Variants in ACSL5 observed in about 807,000 individuals in gnomAD.
ACSL5 encodes long-chain-fatty-acid--CoA ligase 5.
In ACSL5, 50 loss-of-function variants were observed where a neutral mutation model predicts 84.9. The ratio of observed to expected loss-of-function variants is 0.59; its 90% CI spans 0.47 to 0.75. ACSL5 has a LOEUF of 0.75. Ranked by LOEUF, ACSL5 falls within the 30% of genes least tolerant of loss-of-function variation. ACSL5 has a pLI of 0.00. For synonymous variants in ACSL5, 280 were observed against 300.7 expected (o/e 0.93, Z 0.71); for missense variants, 775 against 830.4 (o/e 0.93, Z 0.82).
Position 112,426,300 on chromosome 10 carries a change from C to A in ACSL5, c.1780C>A (p.Pro594Thr), listed in dbSNP as rs1229105846. ...GGTGGTTCCTGACACAGATGTACTT[C>A]CCTCATTTGCAGCCAAGCTTGGGGT... ...GVVVPDTDVL[P>T]SFAAKLGVKG... The change falls in exon 19 of 21, where the codon CCC becomes ACC. Residue 594 changes from proline to threonine, a missense_variant. Physicochemically the swap from Pro to Thr is conservative, Grantham distance 38. Coordinates refer to ENST00000354655, the MANE Select transcript of ACSL5 (RefSeq NM_203379.2). 1 of 1,614,124 alleles carries A rather than the reference C, an allele frequency of 6.2e-7. No individual in the cohort carries two copies. Among genetic ancestry groups the A allele is most frequent in the Admixed American group, 1.7e-5 (1 of 60,018 alleles).
At chr10:112,410,825 A>G (rs1447859845) in intron 9 of ACSL5, among the ~76,000 whole-genome samples, 190 bp downstream of exon 9, 1 of 152,228 alleles carries the variant, frequency 6.6e-6, no homozygotes, top group Non-Finnish European at 1.5e-5. Flanking sequence ...TTTATTTAAT[A>G]TATTGGGAGG....
Position 112,410,585 on chromosome 10 carries a change from C to T in ACSL5, c.746C>T (p.Pro249Leu), listed in dbSNP as rs1478135624. 1 of 1,614,002 alleles carries T rather than the reference C, an allele frequency of 6.2e-7. No homozygotes were observed. Among genetic ancestry groups the T allele is most frequent in the Non-Finnish European group, 8.5e-7 (1 of 1,180,024 alleles). Residue 249 changes from proline (P) to leucine (L), a missense_variant and splice_region_variant, in exon 9 of 21, where the codon CCT (proline) becomes CTT (leucine). By Grantham distance (98) the Pro-to-Leu change is moderately conservative (BLOSUM62 -3). Transcript: ENST00000354655. Reference protein sequence around the residue: ...LGKEHFRKPVPPSPEDLSVIC... With the variant: ...LGKEHFRKPVLPSPEDLSVIC... ...AAGCCCTTGTGCTTCCTCCTCCAGC[C>T]TCCTAGCCCAGAAGACCTGAGCGTC...
At chr10:112,418,023 C>A in intron 14 of ACSL5, 82 bp downstream of exon 14, 1 of 1,120,898 alleles carries the variant, frequency 8.9e-7, no homozygotes, top group Non-Finnish European at 1.3e-6. Flanking sequence ...ATGAAAACAA[C>A]TAAAAGGTAC....
chr10:112,389,059 A>T (rs1373150786), intron 1 of ACSL5, among the ~76,000 whole-genome samples: 1 of 152,216 alleles, frequency 6.6e-6, no homozygotes, highest in Non-Finnish European at 1.5e-5. Flanking sequence ...AACATAGTTG[A>T]CCAAAAATTT....
chr10:112,410,501 T>C lies in ACSL5; in HGVS notation c.744+6T>C, dbSNP rs1844153034. 2 of 1,614,030 alleles carry C rather than the reference T, an allele frequency of 1.2e-6. No individual in the cohort carries two copies. Among genetic ancestry groups the C allele is most frequent in the Admixed American group, 1.7e-5 (1 of 59,998 alleles). ...AGCACTTCAGAAAACCTGTGGTAAG[T>C]TTTCTTCTGCCTGAATTTGAGCCTT... On this transcript the variant is annotated splice_donor_region_variant and intron_variant, in intron 8 of 20. Transcript: ENST00000354655.
intron 17 of ACSL5, 82 bp from the exon 18 acceptor site, chr10:112,425,256 G>C (rs1844622388): frequency 1.6e-6 from 2 of 1,273,420 alleles, no homozygotes; most frequent in African/African-American, 3.1e-5. Context: ...AGAGAAGAAA[G>C]ATGACTGTGA....
At chr10:112,414,329 A>AT (rs201652931) in intron 12 of ACSL5, among the ~76,000 whole-genome samples, 371 of 125,940 alleles carry the variant, frequency 2.9e-3, no homozygotes, top group Non-Finnish European at 4.6e-3. Context: ...TAATTTTCAG[A>AT]TTTTTTTTTA....
intron 1 of ACSL5, among the ~76,000 whole-genome samples, chr10:112,379,260 C>T (rs1039530968): frequency 1.3e-5 from 2 of 152,094 alleles, no homozygotes; most frequent in Non-Finnish European, 2.9e-5. Context: ...CAAAAGCTAG[C>T]TGGGCGTGGT....
rs1479133819 is a variant in ACSL5 at position 112,404,722 on chromosome 10, G to A, written c.348G>A (p.Glu116=). 2 of 1,613,980 alleles carry A rather than the reference G, an allele frequency of 1.2e-6. No individual in the cohort carries two copies. Among genetic ancestry groups the A allele is most frequent in the African/African-American group, 1.3e-5 (1 of 75,028 alleles). ...TTTTGTAGGTGTCTGATAGAGCAGA[G>A]TACCTGGGTTCCTGTCTCTTGCATA... ...LSYKQVSDRA[E]YLGSCLLHKG... Residue 116 remains glutamate (E), a synonymous_variant, in exon 5 of 21, where the codon GAG becomes GAA. Coordinates refer to ENST00000354655, the MANE Select transcript of ACSL5 (RefSeq NM_203379.2).
chr10:112,425,653 T>G, intron 18 of ACSL5, 172 bp downstream of exon 18: 1 of 581,748 alleles, frequency 1.7e-6, no homozygotes, highest in East Asian at 3.3e-5. Context: ...AATTTCAATT[T>G]AAAAAATTTC....
In ACSL5 at chr10:112,387,176, G is replaced by A. The variant is rs191589933; in HGVS notation, c.-29-7742G>A. On this transcript the variant is annotated intron_variant, in intron 1 of 20. Coordinates refer to ENST00000354655, the MANE Select transcript of ACSL5 (RefSeq NM_203379.2). Reference sequence around the variant, plus strand: ...CCATATGATGCTTTTCTTTGACTGAGTTTTGTGAAGCAAGATCATTGTCTC... The same window carrying A: ...CCATATGATGCTTTTCTTTGACTGAATTTTGTGAAGCAAGATCATTGTCTC... Among the ~76,000 whole-genome samples, 37 of 152,264 alleles carry A rather than the reference G, an allele frequency of 2.4e-4. 1 individual carries two copies. The highest frequency in any genetic ancestry group is 1.9e-3 in the Admixed American group (29 of 15,296).
intron 3 of ACSL5, among the ~76,000 whole-genome samples, chr10:112,401,786 C>CTCTCTCTCTCTT (rs1280459085): frequency 1.6e-4 from 19 of 119,500 alleles, no homozygotes; most frequent in Admixed American, 5.6e-4. Context: ...TTCTTTCTTT[C>CTCTCTCTCTCTT]TCTTTCTTTC....
At chr10:112,420,748 C>G (rs368597725) in intron 14 of ACSL5, among the ~76,000 whole-genome samples, 4 of 151,300 alleles carry the variant, frequency 2.6e-5, no homozygotes, top group African/African-American at 9.7e-5. Flanking sequence ...GATGTAGTCT[C>G]GCTCACTGTG....
At position 112,409,604 on chromosome 10, in the gene ACSL5, C is replaced by A; in HGVS notation, c.630C>A (p.Ile210=). The change falls in exon 7 of 21, where the codon ATC becomes ATA. Residue 210 remains isoleucine (I), a synonymous_variant. Coordinates refer to ENST00000354655, the MANE Select transcript of ACSL5 (RefSeq NM_203379.2). ...KGFTPSLKVI[I]LMDPFDDDLK... ...TCACCCCGAGCCTGAAGGTGATCAT[C>A]CTTATGGACCCCTTTGATGATGACC... The A allele has an allele frequency of 1.9e-6, 3 of 1,614,104 alleles. No homozygotes were observed. The highest frequency in any genetic ancestry group is 2.2e-5 in the South Asian group (2 of 91,080).
chr10:112,426,983 C>T, intron 20 of ACSL5, 124 bp downstream of exon 20: 1 of 972,358 alleles, frequency 1.0e-6, no homozygotes, highest in Non-Finnish European at 1.6e-6. Flanking sequence ...CCATTAACTA[C>T]AAAATGACCT....
intron 1 of ACSL5, among the ~76,000 whole-genome samples, chr10:112,392,931 A>T (rs528727750): frequency 6.6e-6 from 1 of 151,972 alleles, no homozygotes; most frequent in Non-Finnish European, 1.5e-5. Context: ...ATATATATAT[A>T]TATCCAGTCT....
At position 112,425,127 on chromosome 10, in the gene ACSL5, T is replaced by C. The variant is rs183001519; in HGVS notation, c.1594-211T>C. 6.3e-4 allele frequency: 240 copies of C among 379,436 alleles called. 1 individual carries two copies. The highest frequency in any genetic ancestry group is 4.2e-3 in the African/African-American group (204 of 48,246). 23.5% of individuals were successfully genotyped at this position (379,436 alleles called of 1,614,324 possible). On this transcript the variant is annotated intron_variant, in intron 17 of 20. Coordinates refer to ENST00000354655, the MANE Select transcript of ACSL5 (RefSeq NM_203379.2). ...ACTTTCTCTAAGGCTGCGCATTGAC[T>C]CTCCACATAGATATACAGTAAAGAC...
chr10:112,382,126 G>A (rs1242081984), intron 1 of ACSL5, among the ~76,000 whole-genome samples: 1 of 152,188 alleles, frequency 6.6e-6, no homozygotes, highest in African/African-American at 2.4e-5. Context: ...CTGGCACACA[G>A]TAGGTGCTTG....
At chr10:112,387,451 T>A (rs1236413491) in intron 1 of ACSL5, among the ~76,000 whole-genome samples, 1 of 152,168 alleles carries the variant, frequency 6.6e-6, no homozygotes, top group East Asian at 1.9e-4. Flanking sequence ...TTGTCATTAC[T>A]TTTGGGTTTG....
Sources: gnomAD v4.1 joint callset for allele counts (sites outside exome capture counted in the v4.1 genomes callset) on GRCh38, gnomAD v4.1.1 for gene constraint, MANE v1.5 for transcripts, NCBI Gene and HGNC (gene_info 2026-07-23, HGNC 2026-07-21) for gene names.